The following EPB41L5 variants were observed in gnomAD, a reference collection of about 807,000 sequenced individuals.
EPB41L5 encodes erythrocyte membrane protein band 4.1 like 5.
Under a neutral mutation model 106.6 loss-of-function variants are expected in EPB41L5, and 55 were observed. The ratio of observed to expected loss-of-function variants is 0.52; its 90% CI spans 0.42 to 0.65. The LOEUF (loss-of-function observed/expected upper bound fraction) is 0.65. EPB41L5 is among the 30% of genes least tolerant of loss of function. The probability of loss-of-function intolerance (pLI) is 0.00; values close to 1 mark genes in which losing one functional copy is unlikely to be tolerated. For synonymous variants in EPB41L5, 297 were observed against 306.7 expected (o/e 0.97, Z 0.33); for missense variants, 871 against 882.1 (o/e 0.99, Z 0.16).
intron 18 of EPB41L5, among the ~76,000 whole-genome samples, chr2:120,138,806 A>G (rs1686045671): frequency 6.6e-6 from 1 of 152,040 alleles, no homozygotes; most frequent in South Asian, 2.1e-4. Context: ...TACCAATGAT[A>G]TTCTTCAAAG....
At chr2:120,021,915 G>A (rs1044490844) in intron 2 of EPB41L5, among the ~76,000 whole-genome samples, 3 of 152,112 alleles carry the variant, frequency 2.0e-5, no homozygotes, top group East Asian at 1.9e-4. Flanking sequence ...TTCCCATTAC[G>A]ATAAGGGTCT....
chr2:120,149,302 C>G (rs1424576708), intron 20 of EPB41L5, among the ~76,000 whole-genome samples: 6 of 152,118 alleles, frequency 3.9e-5, no homozygotes, highest in Non-Finnish European at 7.4e-5. Flanking sequence ...TTAGTACATA[C>G]AACCACCATC....
At chr2:120,120,599 A>G (rs1685173631) in intron 16 of EPB41L5, among the ~76,000 whole-genome samples, 1 of 152,020 alleles carries the variant, frequency 6.6e-6, no homozygotes, top group Non-Finnish European at 1.5e-5. Flanking sequence ...CTTTTTTTAA[A>G]AAAAACCTCT....
At chr2:120,169,355 A>G (rs1431487283) in intron 24 of EPB41L5, among the ~76,000 whole-genome samples, 1 of 152,248 alleles carries the variant, frequency 6.6e-6, no homozygotes, top group Admixed American at 6.5e-5. Flanking sequence ...GATGGATTGC[A>G]GATCTAAATA....
intron 3 of EPB41L5, among the ~76,000 whole-genome samples, chr2:120,045,397 C>T (rs1423473380): frequency 6.6e-6 from 1 of 152,056 alleles, no homozygotes; most frequent in Non-Finnish European, 1.5e-5. Flanking sequence ...TAGAAAGTTG[C>T]AAGGATGGTA....
chr2:120,156,810 A>G (rs766311524), intron 20 of EPB41L5, among the ~76,000 whole-genome samples: 2 of 152,230 alleles, frequency 1.3e-5, no homozygotes, highest in Non-Finnish European at 2.9e-5. Flanking sequence ...GAGACCTTCA[A>G]ATAGACTTAT....
At chr2:120,041,560 AT>A (rs1241236367) in intron 2 of EPB41L5, among the ~76,000 whole-genome samples, 1 of 152,058 alleles carries the variant, frequency 6.6e-6, no homozygotes, top group Non-Finnish European at 1.5e-5. Context: ...GCCTTCATTG[AT>A]TATTCTAGTT....
At chr2:120,126,447 G>C (rs542769862) in intron 16 of EPB41L5, among the ~76,000 whole-genome samples, 5 of 152,048 alleles carry the variant, frequency 3.3e-5, no homozygotes, top group Non-Finnish European at 7.4e-5. Flanking sequence ...TAACACTTAG[G>C]TCGCTTATCC....
At position 120,016,204 on chromosome 2, in the gene EPB41L5, C is replaced by T. The variant is rs1287310845; in HGVS notation, c.-8-2873C>T. 2.6e-5 allele frequency among the ~76,000 whole-genome samples: 4 copies of T among 152,100 alleles called. No homozygotes were observed. In the East Asian group the frequency reaches 5.8e-4, roughly 22 times the overall value. ...TAGCACTTTGGGAGGCCGAGGCGGG[C>T]GGATCACCTGAGGTCAGAAGTTTGA... On this transcript the variant is annotated intron_variant, in intron 1 of 24. Transcript: ENST00000263713.
chr2:120,118,116 G>C lies in EPB41L5; in HGVS notation c.1338-9572G>C, dbSNP rs576866570. On this transcript the variant is annotated intron_variant, in intron 16 of 24. Transcript: ENST00000263713. ...ATTTTAGAGGAATTCAGCTATCCTT[G>C]CCTCCAGCACTGTATGGGTTAATTT... 4.3e-4 allele frequency among the ~76,000 whole-genome samples: 65 copies of C among 152,190 alleles called. No individual in the cohort carries two copies. The South Asian group carries it at 0.013, about 32-fold the overall frequency.
intron 16 of EPB41L5, among the ~76,000 whole-genome samples, chr2:120,119,299 T>G (rs1685097559): frequency 6.6e-6 from 1 of 152,114 alleles, no homozygotes; most frequent in Admixed American, 6.5e-5. Flanking sequence ...CTGACAGTTT[T>G]TTTTTGTTTG....
chr2:120,142,918 A>AG, intron 18 of EPB41L5, 85 bp from the exon 19 acceptor site: 1 of 1,198,594 alleles, frequency 8.3e-7, no homozygotes, highest in Non-Finnish European at 1.2e-6. Context: ...GATTGTCTGC[A>AG]GATGAACTTT....
At chr2:120,014,971 T>A (rs1262550821) in intron 1 of EPB41L5, among the ~76,000 whole-genome samples, 1 of 141,066 alleles carries the variant, frequency 7.1e-6, no homozygotes. Context: ...TCACAATCAT[T>A]AAAAAAAAAA....
intron 3 of EPB41L5, among the ~76,000 whole-genome samples, chr2:120,072,480 C>T (rs943711237): frequency 6.6e-6 from 1 of 152,162 alleles, no homozygotes; most frequent in South Asian, 2.1e-4. Flanking sequence ...CACATGCACA[C>T]ATATGTTTAT....
At chr2:120,087,472 C>T (rs542821924) in intron 11 of EPB41L5, among the ~76,000 whole-genome samples, 1 of 152,222 alleles carries the variant, frequency 6.6e-6, no homozygotes, top group South Asian at 2.1e-4. Flanking sequence ...CCTCATTGAT[C>T]GTATATCTGA....
intron 2 of EPB41L5, among the ~76,000 whole-genome samples, chr2:120,039,537 AT>A (rs1002456209): frequency 6.6e-6 from 1 of 152,114 alleles, no homozygotes; most frequent in African/African-American, 2.4e-5. Flanking sequence ...ATTGAAAGTA[AT>A]TTTGTGGCCA....
intron 14 of EPB41L5, among the ~76,000 whole-genome samples, chr2:120,098,189 T>TGTGTGTGTGTGTGTGTGTGTGTGTGTGTG (rs1553506367): frequency 6.6e-6 from 1 of 150,448 alleles, no homozygotes; most frequent in African/African-American, 2.4e-5. Context: ...TGTGTGTGTG[T>TGTGTGTGTGTGTGTGTGTGTGTGTGTGTG]TTTGGTGGGG....
At chr2:120,077,933 A>C (rs895827789) in intron 9 of EPB41L5, among the ~76,000 whole-genome samples, 1 of 152,140 alleles carries the variant, frequency 6.6e-6, no homozygotes, top group Non-Finnish European at 1.5e-5. Flanking sequence ...GTGAAGGGCA[A>C]ACAGGCACAT....
chr2:120,140,590 A>G (rs1686130476), intron 18 of EPB41L5, among the ~76,000 whole-genome samples: 2 of 152,068 alleles, frequency 1.3e-5, no homozygotes, highest in Admixed American at 1.3e-4. Context: ...AATGATCCAG[A>G]ATCTAATACT....
Sources: gnomAD v4.1 joint callset for allele counts (sites outside exome capture counted in the v4.1 genomes callset) on GRCh38, gnomAD v4.1.1 for gene constraint, MANE v1.5 for transcripts, NCBI Gene and HGNC (gene_info 2026-07-23, HGNC 2026-07-21) for gene names.